KCNU1: variants seen among roughly 807,000 people sequenced by gnomAD.
The protein encoded by KCNU1 is potassium calcium-activated channel subfamily U member 1, also known as potassium channel subfamily U member 1.
KCNU1 carries 93 observed loss-of-function variants against 126.8 expected under a neutral mutation model. The ratio of observed to expected loss-of-function variants is 0.73; its 90% CI spans 0.62 to 0.87. KCNU1 has a LOEUF of 0.87. Ranked by LOEUF, KCNU1 falls within the 40% of genes least tolerant of loss-of-function variation. The probability of loss-of-function intolerance (pLI) is 0.00; values close to 1 mark genes in which losing one functional copy is unlikely to be tolerated. For missense variants in KCNU1, 1,330 were observed against 1,367.1 expected, an observed-to-expected ratio of 0.97 and a Z score of 0.43; for synonymous variants, 523 against 494.2, an observed-to-expected ratio of 1.06 and a Z score of -0.77.
intron 19 of KCNU1, among the ~76,000 whole-genome samples, chr8:36,868,837 A>G (rs1337776421): frequency 6.6e-6 from 1 of 152,168 alleles, no homozygotes; most frequent in South Asian, 2.1e-4. Context: ...TAAGAGAAAG[A>G]AAGTATTTCC....
At chr8:36,846,161 G>A (rs532743927) in intron 18 of KCNU1, among the ~76,000 whole-genome samples, 8 of 152,206 alleles carry the variant, frequency 5.3e-5, no homozygotes, top group Non-Finnish European at 1.2e-4. Flanking sequence ...AAGTCACATA[G>A]CCAGTTAGCG....
At chr8:36,922,718 C>A in intron 24 of KCNU1, 89 bp downstream of exon 24, 1 of 1,294,326 alleles carries the variant, frequency 7.7e-7, no homozygotes, top group East Asian at 2.4e-5. Flanking sequence ...ATGATAACAC[C>A]TCACAGTTCT....
At position 36,836,320 on chromosome 8, in the gene KCNU1, T is replaced by C. The variant is rs766857476; in HGVS notation, c.1320T>C (p.Asp440=). 1.9e-6 allele frequency: 3 copies of C among 1,608,048 alleles called. No homozygotes were observed. Among genetic ancestry groups the C allele is most frequent in the Admixed American group, 1.7e-5 (1 of 59,982 alleles). The part of the protein sequence containing the change: ...IMRVLSIKNY[D]STTRIIIQIL... ...GGGTGCTCTCTATCAAGAACTATGA[T>C]TCTACCACCAGAATCATCATACAGA... The change falls in exon 13 of 27, where the codon GAT becomes GAC. Residue 440 remains aspartate (D), a synonymous_variant. Transcript: ENST00000399881.
chr8:36,894,616 A>G (rs1448067713), intron 19 of KCNU1, among the ~76,000 whole-genome samples: 1 of 152,118 alleles, frequency 6.6e-6, no homozygotes, highest in Non-Finnish European at 1.5e-5. Flanking sequence ...TATGTTACTG[A>G]TACAGCTTAG....
rs141421776 is a variant in KCNU1, at chr8:36,862,176, G to A, written c.1892-2228G>A. 1.2e-3 allele frequency among the ~76,000 whole-genome samples: 181 copies of A among 152,018 alleles called. No individual in the cohort carries two copies. The Middle Eastern group carries it at 0.017, about 14-fold the overall frequency. On this transcript the variant is annotated intron_variant, in intron 18 of 26. Transcript: ENST00000399881. ...GATTTAAAATAGTTAGCTATAGGTA[G>A]GTAGGTAGGTAGATAGATAGATAGA...
At chr8:36,805,106 A>G in intron 3 of KCNU1, 89 bp from the exon 4 acceptor site, 1 of 831,156 alleles carries the variant, frequency 1.2e-6, no homozygotes, top group Non-Finnish European at 1.9e-6. Context: ...ATAAAGAAAA[A>G]TTTTCCTATT....
At chr8:36,853,271 A>G (rs2117297021) in intron 18 of KCNU1, among the ~76,000 whole-genome samples, 1 of 152,294 alleles carries the variant, frequency 6.6e-6, no homozygotes, top group South Asian at 2.1e-4. Flanking sequence ...AGTCACTTGA[A>G]CCTGGGAGAC....
intron 19 of KCNU1, among the ~76,000 whole-genome samples, chr8:36,886,924 T>A (rs1302333059): frequency 6.6e-6 from 1 of 152,168 alleles, no homozygotes; most frequent in Non-Finnish European, 1.5e-5. Flanking sequence ...CTGAGTTACT[T>A]CACTTAGAAT....
At chr8:36,811,443 A>G (rs754313479) in intron 7 of KCNU1, among the ~76,000 whole-genome samples, 1 of 152,220 alleles carries the variant, frequency 6.6e-6, no homozygotes, top group Non-Finnish European at 1.5e-5. Context: ...ACATTGGTCA[A>G]TACCAGAAGA....
chr8:36,804,476 A>C (rs981690128), intron 3 of KCNU1, among the ~76,000 whole-genome samples: 7 of 152,164 alleles, frequency 4.6e-5, no homozygotes, highest in South Asian at 4.1e-4. Context: ...AGGGTTTCTC[A>C]TAGGTTTCAA....
At chr8:36,815,198 G>T (rs1184669923) in intron 8 of KCNU1, among the ~76,000 whole-genome samples, 1 of 152,088 alleles carries the variant, frequency 6.6e-6, no homozygotes, top group Non-Finnish European at 1.5e-5. Flanking sequence ...AGGCATGGTG[G>T]CAGGCACCTG....
At chr8:36,902,257 C>G (rs1328927391) in intron 19 of KCNU1, among the ~76,000 whole-genome samples, 3 of 152,108 alleles carry the variant, frequency 2.0e-5, no homozygotes, top group Non-Finnish European at 1.5e-5. Context: ...TTGTCTGTGA[C>G]AGCTTGTATA....
chr8:36,931,323 T>C (rs1427260940), intron 25 of KCNU1, among the ~76,000 whole-genome samples, 178 bp downstream of exon 25: 1 of 152,048 alleles, frequency 6.6e-6, no homozygotes, highest in East Asian at 1.9e-4. Context: ...AATCACAGTG[T>C]GTTAATATGT....
chr8:36,918,354 CA>C (rs1049091872), intron 22 of KCNU1, among the ~76,000 whole-genome samples: 3 of 151,388 alleles, frequency 2.0e-5, no homozygotes, highest in African/African-American at 7.3e-5. Context: ...GCAGCCTGGG[CA>C]ACATAGCAAG....
Position 36,864,539 on chromosome 8 carries a change from C to T in KCNU1, c.2009+18C>T. On this transcript the variant is annotated intron_variant, in intron 19 of 26. Transcript: ENST00000399881. ...ACCACCAGGTAAAAGCTGCAGAGAA[C>T]CCTGGTCTCCTATAGTTTTTTTGAG... The T allele has an allele frequency of 1.4e-6, 2 of 1,398,178 alleles. No homozygotes were observed. Among genetic ancestry groups the T allele is most frequent in the South Asian group, 1.2e-5 (1 of 86,710 alleles). The allele number at this position is 1,398,178 out of a possible 1,614,324, so 86.6% of individuals were successfully genotyped here.
chr8:36,917,635 T>A lies in KCNU1; in HGVS notation c.2522-1188T>A, dbSNP rs138539356. On this transcript the variant is annotated intron_variant, in intron 22 of 26. Transcript: ENST00000399881. ...CCTCCCAAAGTGTTGAGATTATAGGTGTGAGCCACTGCACCCAACCTTCTA... is the reference window on the plus strand; with the variant it reads ...CCTCCCAAAGTGTTGAGATTATAGGAGTGAGCCACTGCACCCAACCTTCTA... Among the ~76,000 whole-genome samples, 690 of 152,106 alleles carry A rather than the reference T, an allele frequency of 4.5e-3. 9 individuals are homozygous for A. Among genetic ancestry groups the A allele is most frequent in the African/African-American group, 0.016 (650 of 41,486 alleles).
chr8:36,888,385 C>A, intron 19 of KCNU1: 1 of 358,658 alleles, frequency 2.8e-6, no homozygotes, highest in South Asian at 2.1e-5. Flanking sequence ...CCTGCCACTC[C>A]TCCCTCCCCC....
chr8:36,928,956 C>T (rs1808614535), intron 24 of KCNU1: 1 of 693,808 alleles, frequency 1.4e-6, no homozygotes, highest in Non-Finnish European at 2.6e-6. Flanking sequence ...TTCAGATGAT[C>T]CAGATACATG....
At chr8:36,819,204 C>A (rs1350740178) in intron 10 of KCNU1, among the ~76,000 whole-genome samples, 1 of 152,010 alleles carries the variant, frequency 6.6e-6, no homozygotes, top group Admixed American at 6.6e-5. Context: ...TTCTCTGTGG[C>A]TTCATATTTA....
Sources: gnomAD v4.1 joint callset for allele counts (sites outside exome capture counted in the v4.1 genomes callset) on GRCh38, gnomAD v4.1.1 for gene constraint, MANE v1.5 for transcripts, NCBI Gene and HGNC (gene_info 2026-07-23, HGNC 2026-07-21) for gene names.